CNPY1: variants seen among roughly 807,000 people sequenced by gnomAD.
CNPY1 encodes the protein canopy FGF signaling regulator 1.
CNPY1 carries 14 observed loss-of-function variants against 14.4 expected under a neutral mutation model. The observed-to-expected ratio is 0.97, with a 90% CI of 0.64 to 1.52. The LOEUF (loss-of-function observed/expected upper bound fraction) is 1.52, where lower values mean the gene tolerates loss of function less well. Among genes scored for constraint, CNPY1 ranks in the 40% most tolerant of loss-of-function variants. The pLI is 0.00. For missense variants in CNPY1, 129 were observed against 131.5 expected (o/e 0.98, Z 0.09); for synonymous variants, 43 against 46.5 (o/e 0.92, Z 0.31).
chr7:155,530,263 T>C (rs923237307), intron 2 of CNPY1, among the ~76,000 whole-genome samples: 6 of 147,534 alleles, frequency 4.1e-5, no homozygotes, highest in Non-Finnish European at 7.4e-5. Context: ...CAAAGGTTTT[T>C]AAATGGAAAT....
At position 155,502,592 on chromosome 7, in the gene CNPY1, C is replaced by T. The variant is rs75910355; in HGVS notation, c.*476G>A. ...GTTTCTTTCACTAATAGCCATATCT[C>T]ACCCAGAAGGCCACATTTTGAATTT... On this transcript the variant is annotated 3_prime_UTR_variant, in exon 5 of 5. Transcript: ENST00000636446. 0.013 allele frequency: 1,954 copies of T among 153,446 alleles called. 42 individuals carry two copies. The highest frequency in any genetic ancestry group is 0.044 in the African/African-American group (1,830 of 41,576). 9.5% of individuals were successfully genotyped at this position (153,446 alleles called of 1,614,324 possible).
rs1797037474 is a variant in CNPY1, at chr7:155,537,485, G to A, written c.99+8346C>T. On this transcript the variant is annotated intron_variant, in intron 2 of 4. Transcript: ENST00000636446. ...GTCGTCCAGGCTGGGGTGCAATGGT[G>A]CGATCTCAGCTCACTGCAACCTCCG... 4.7e-5 allele frequency among the ~76,000 whole-genome samples: 7 copies of A among 149,204 alleles called. No individual in the cohort carries two copies. The South Asian group carries it at 1.5e-3, about 32-fold the overall frequency.
intron 2 of CNPY1, among the ~76,000 whole-genome samples, chr7:155,511,223 T>C (rs1391860719): frequency 6.6e-6 from 1 of 152,174 alleles, no homozygotes; most frequent in African/African-American, 2.4e-5. Flanking sequence ...GTCTGATCGC[T>C]GGGGGCTTTC....
intron 2 of CNPY1, among the ~76,000 whole-genome samples, chr7:155,521,981 T>G (rs1422714459): frequency 6.6e-6 from 1 of 152,230 alleles, no homozygotes; most frequent in Non-Finnish European, 1.5e-5. Flanking sequence ...CCAAATCATC[T>G]TCCTTTCTCT....
At chr7:155,526,427 G>A (rs890648448) in intron 2 of CNPY1, among the ~76,000 whole-genome samples, 1 of 152,176 alleles carries the variant, frequency 6.6e-6, no homozygotes, top group Admixed American at 6.5e-5. Flanking sequence ...TTCGTGGACG[G>A]GGAGGTGTCC....
At chr7:155,525,983 AC>A (rs1796812151) in intron 2 of CNPY1, among the ~76,000 whole-genome samples, 1 of 152,234 alleles carries the variant, frequency 6.6e-6, no homozygotes, top group Non-Finnish European at 1.5e-5. Flanking sequence ...GACATTGAGA[AC>A]CTATTATGAG....
At chr7:155,517,464 C>T (rs895758642) in intron 2 of CNPY1, among the ~76,000 whole-genome samples, 1 of 152,200 alleles carries the variant, frequency 6.6e-6, no homozygotes, top group Non-Finnish European at 1.5e-5. Context: ...CACAGCGTGA[C>T]GTCCTCCTGC....
At chr7:155,544,874 C>T (rs140743161) in intron 2 of CNPY1, among the ~76,000 whole-genome samples, 56 of 152,314 alleles carry the variant, frequency 3.7e-4, no homozygotes, top group African/African-American at 1.3e-3. Flanking sequence ...GTGGGAGGTA[C>T]TGACCTGTGG....
chr7:155,503,137 T>C, intron 4 of CNPY1, 32 bp from the exon 5 acceptor site: 3 of 1,555,842 alleles, frequency 1.9e-6, no homozygotes, highest in Non-Finnish European at 1.8e-6. Context: ...GATAGCATCA[T>C]TATCACTTTA....
intron 2 of CNPY1, among the ~76,000 whole-genome samples, chr7:155,544,704 C>T (rs957947136): frequency 6.6e-6 from 1 of 152,184 alleles, no homozygotes; most frequent in Non-Finnish European, 1.5e-5. Context: ...CTTGAGATTC[C>T]GGGGTGCAGG....
At chr7:155,511,366 G>C (rs191630297) in intron 2 of CNPY1, among the ~76,000 whole-genome samples, 185 of 152,286 alleles carry the variant, frequency 1.2e-3, no homozygotes, top group Non-Finnish European at 1.8e-3. Context: ...TGCAAAAGTT[G>C]CTGAGCATAT....
intron 2 of CNPY1, among the ~76,000 whole-genome samples, chr7:155,521,279 T>C (rs1026413474): frequency 4.1e-4 from 63 of 152,308 alleles, no homozygotes; most frequent in African/African-American, 1.4e-3. Flanking sequence ...AGGAGCTCTG[T>C]GCGAAGGACT....
chr7:155,527,054 C>CTTTCTTTCTTTCTTTCTTTTTTT (rs56296833), intron 2 of CNPY1, among the ~76,000 whole-genome samples: 2 of 90,344 alleles, frequency 2.2e-5, no homozygotes, highest in African/African-American at 5.1e-5. Context: ...TTCTTTCTTT[C>CTTTCTTTCTTTCTTTCTTTTTTT]TTTTTTTTTT....
chr7:155,541,381 CT>C (rs1442495716), intron 2 of CNPY1, among the ~76,000 whole-genome samples: 11 of 152,360 alleles, frequency 7.2e-5, no homozygotes, highest in Admixed American at 3.9e-4. Context: ...GCTGAGGTCC[CT>C]GTACATCGTG....
At chr7:155,546,334 C>T (rs1265388315) in intron 1 of CNPY1, 95 bp downstream of exon 1, 2 of 391,068 alleles carry the variant, frequency 5.1e-6, no homozygotes, top group African/African-American at 2.1e-5. Flanking sequence ...TACAGGCATA[C>T]GTCGCCACAC....
chr7:155,514,362 G>T (rs1330248356), intron 2 of CNPY1, among the ~76,000 whole-genome samples: 1 of 152,164 alleles, frequency 6.6e-6, no homozygotes, highest in South Asian at 2.1e-4. Context: ...CTTTGTCATC[G>T]ATTGTCGTCA....
chr7:155,519,522 AAAATAAAT>A (rs58372261), intron 2 of CNPY1, among the ~76,000 whole-genome samples: 1,992 of 141,092 alleles, frequency 0.014, 25 homozygotes, highest in Middle Eastern at 0.068. Flanking sequence ...CCCTGTCTCA[AAAATAAAT>A]AAATAAATAA....
intron 2 of CNPY1, among the ~76,000 whole-genome samples, chr7:155,544,830 C>G (rs1797140356): frequency 6.6e-6 from 1 of 152,170 alleles, no homozygotes; most frequent in Non-Finnish European, 1.5e-5. Context: ...GGCAACGAAC[C>G]CAAAAGGGAC....
intron 2 of CNPY1, among the ~76,000 whole-genome samples, chr7:155,524,196 T>A (rs185835257): frequency 1.9e-4 from 29 of 152,352 alleles, no homozygotes; most frequent in African/African-American, 6.3e-4. Flanking sequence ...TGGAGTCCAA[T>A]GGCCCCCGCT....
Sources: gnomAD v4.1 joint callset for allele counts (sites outside exome capture counted in the v4.1 genomes callset) on GRCh38, gnomAD v4.1.1 for gene constraint, MANE v1.5 for transcripts, NCBI Gene and HGNC (gene_info 2026-07-23, HGNC 2026-07-21) for gene names.